Variants in PCDHA9 observed in about 807,000 individuals in gnomAD.
The protein encoded by PCDHA9 is protocadherin alpha 9, also known as protocadherin alpha-9.
A neutral mutation model predicts 62.0 loss-of-function variants in PCDHA9; 62 were observed. The ratio of observed to expected loss-of-function variants is 1.00; its 90% CI spans 0.81 to 1.23. PCDHA9 has a LOEUF of 1.23. PCDHA9 is among the 50% of genes most tolerant of loss of function. PCDHA9 has a pLI of 0.00. For missense variants in PCDHA9, 1,205 were observed against 1,249.8 expected (o/e 0.96, Z 0.54); for synonymous variants, 557 against 567.6 (o/e 0.98, Z 0.27).
At chr5:140,926,879 C>G in intron 1 of PCDHA9, 1 of 1,534,480 alleles carries the variant, frequency 6.5e-7, no homozygotes, top group Non-Finnish European at 8.8e-7. Flanking sequence ...GGAACGTGGA[C>G]GCCTAGAGGG....
intron 1 of PCDHA9, chr5:140,875,810 C>A: frequency 6.2e-7 from 1 of 1,614,106 alleles, no homozygotes; most frequent in Non-Finnish European, 8.5e-7. Flanking sequence ...GTGGACAGGC[C>A]GCTGCAGGTT....
Position 140,929,060 on chromosome 5 carries a change from A to G in PCDHA9, c.2395-49889A>G, listed in dbSNP as rs782222884. 3 of 1,614,188 alleles carry G rather than the reference A, an allele frequency of 1.9e-6. No individual in the cohort carries two copies. In the South Asian group the frequency reaches 3.3e-5, roughly 18 times the overall value. On this transcript the variant is annotated intron_variant, in intron 1 of 3. Transcript: ENST00000532602. ...GCTCAGAGCTGCTGTCGCTCTACAGAGGATCTGAGGTATGGAAGTAAGATG... is the reference window on the plus strand; with the variant it reads ...GCTCAGAGCTGCTGTCGCTCTACAGGGGATCTGAGGTATGGAAGTAAGATG...
At chr5:140,973,720 A>G (rs781883210) in intron 1 of PCDHA9, among the ~76,000 whole-genome samples, 1 of 152,194 alleles carries the variant, frequency 6.6e-6, no homozygotes, top group Non-Finnish European at 1.5e-5. Flanking sequence ...GAGCCATCAC[A>G]TGGGCATCTG....
At chr5:140,948,679 A>C (rs1318286539) in intron 1 of PCDHA9, among the ~76,000 whole-genome samples, 1 of 151,394 alleles carries the variant, frequency 6.6e-6, no homozygotes, top group Admixed American at 6.6e-5. Context: ...CATCTTTTTC[A>C]TTTTTGATAT....
At chr5:140,980,515 A>G (rs779201653) in intron 2 of PCDHA9, among the ~76,000 whole-genome samples, 18 of 152,182 alleles carry the variant, frequency 1.2e-4, no homozygotes, top group Non-Finnish European at 2.5e-4. Flanking sequence ...CTGTAGTTCC[A>G]GCTACTAGGG....
rs150360427 is a variant in PCDHA9 at position 140,892,912 on chromosome 5, T to C, written c.2394+42023T>C. Among the ~76,000 whole-genome samples, 3 of 152,298 alleles carry C rather than the reference T, an allele frequency of 2.0e-5. No homozygotes were observed. In the East Asian group the frequency reaches 5.8e-4, roughly 29 times the overall value. Reference sequence around the variant, plus strand: ...CAACCTTTCCCCATCCTCCTTTTCCTTCACCCTTCCCAGCCTCTGATAAGC... The same window carrying C: ...CAACCTTTCCCCATCCTCCTTTTCCCTCACCCTTCCCAGCCTCTGATAAGC... On this transcript the variant is annotated intron_variant, in intron 1 of 3. Coordinates refer to ENST00000532602, the MANE Select transcript of PCDHA9 (RefSeq NM_031857.2).
At chr5:140,912,897 G>T (rs782442093) in intron 1 of PCDHA9, among the ~76,000 whole-genome samples, 1 of 152,290 alleles carries the variant, frequency 6.6e-6, no homozygotes, top group East Asian at 1.9e-4. Context: ...TTGATATGAT[G>T]TATCATATTG....
intron 1 of PCDHA9, chr5:140,968,991 G>A: frequency 6.2e-7 from 1 of 1,614,208 alleles, no homozygotes; most frequent in East Asian, 2.2e-5. Context: ...ACTGCATGCT[G>A]TGGAGGCTTC....
chr5:140,954,615 C>A (rs782262504), intron 1 of PCDHA9, among the ~76,000 whole-genome samples: 16 of 151,806 alleles, frequency 1.1e-4, no homozygotes, highest in Non-Finnish European at 1.6e-4. Context: ...TTTTAATGGG[C>A]TTGTTTGGGT....
At chr5:140,961,975 C>T (rs1241757389) in intron 1 of PCDHA9, among the ~76,000 whole-genome samples, 1 of 152,034 alleles carries the variant, frequency 6.6e-6, no homozygotes, top group Non-Finnish European at 1.5e-5. Flanking sequence ...CCTCCGCCTC[C>T]TGGGTTCACG....
intron 1 of PCDHA9, chr5:140,967,890 C>G: frequency 6.2e-7 from 1 of 1,614,176 alleles, no homozygotes; most frequent in Non-Finnish European, 8.5e-7. Context: ...AGCCCAGTGC[C>G]TGAGAATGCT....
chr5:140,866,976 C>T (rs2049689450), intron 1 of PCDHA9: 2 of 152,224 alleles, frequency 1.3e-5, no homozygotes, highest in East Asian at 1.9e-4. Context: ...TCTGAAATAT[C>T]ACAGCCAAAA....
At chr5:140,877,511 C>G in intron 1 of PCDHA9, 1 of 1,613,808 alleles carries the variant, frequency 6.2e-7, no homozygotes, top group South Asian at 1.1e-5. Context: ...AAGACGTCGT[C>G]GCGGGCCTCA....
chr5:140,876,715 C>A (rs570565884), intron 1 of PCDHA9: 7 of 1,614,232 alleles, frequency 4.3e-6, no homozygotes, highest in East Asian at 2.2e-5. Context: ...CGCCCTGGAC[C>A]GCGAGAGCGT....
intron 1 of PCDHA9, among the ~76,000 whole-genome samples, chr5:140,948,708 C>A (rs1376587735): frequency 6.6e-6 from 1 of 151,114 alleles, no homozygotes; most frequent in Non-Finnish European, 1.5e-5. Flanking sequence ...TGTGTTCTAT[C>A]CTCTTTTTTA....
intron 1 of PCDHA9, among the ~76,000 whole-genome samples, chr5:140,918,947 G>T (rs56003): frequency 0.32 from 48,109 of 152,058 alleles, 7,963 homozygotes; most frequent in East Asian, 0.53. Context: ...ATAATATCCT[G>T]AACAGACTAA....
chr5:140,922,072 A>G (rs1390677282), intron 1 of PCDHA9, among the ~76,000 whole-genome samples: 1 of 152,198 alleles, frequency 6.6e-6, no homozygotes. Flanking sequence ...AATCCCACTA[A>G]GCAAAAAGTG....
Position 141,010,090 on chromosome 5 carries a change from C to A in PCDHA9, c.*153C>A. On this transcript the variant is annotated 3_prime_UTR_variant, in exon 4 of 4. Transcript: ENST00000532602. ...AAGTTCCCTGTGTCTGTCTAGAACG[C>A]ATTTAACAGGTTTTGTCGTAAAAGC... 1 of 1,612,636 alleles carries A rather than the reference C, an allele frequency of 6.2e-7. No homozygotes were observed. Among genetic ancestry groups the A allele is most frequent in the Non-Finnish European group, 8.5e-7 (1 of 1,179,276 alleles).
At chr5:140,992,820 TG>T (rs1554253214) in intron 3 of PCDHA9, among the ~76,000 whole-genome samples, 1 of 152,164 alleles carries the variant, frequency 6.6e-6, no homozygotes, top group Non-Finnish European at 1.5e-5. Flanking sequence ...AGGATGTGTT[TG>T]TTTTTTGGGA....
Sources: allele counts gnomAD v4.1 joint callset (sites outside exome capture counted in the v4.1 genomes callset), GRCh38; gene constraint gnomAD v4.1.1; transcripts MANE v1.5; gene names NCBI Gene and HGNC (gene_info 2026-07-23, HGNC 2026-07-21).